The following DACH1 variants were observed in gnomAD, a reference collection of about 807,000 sequenced individuals.
DACH1 encodes dachshund family transcription factor 1.
Under a neutral mutation model 54.2 loss-of-function variants are expected in DACH1, and 12 were observed. That is an observed-to-expected ratio of 0.22 (90% CI 0.14 to 0.36). DACH1 has a LOEUF of 0.36. Ranked by LOEUF, DACH1 falls within the 10% of genes least tolerant of loss-of-function variation. The pLI is 1.00. For missense variants in DACH1, 805 were observed against 929.8 expected (o/e 0.87, Z 1.75); for synonymous variants, 386 against 366.2 (o/e 1.05, Z -0.62).
intron 2 of DACH1, among the ~76,000 whole-genome samples, chr13:71,681,307 G>T (rs1319365269): frequency 2.0e-5 from 3 of 151,934 alleles, no homozygotes; most frequent in Admixed American, 2.0e-4. Context: ...CTTTCAAATG[G>T]GTTCTAATAG....
intron 3 of DACH1, among the ~76,000 whole-genome samples, chr13:71,574,996 G>A (rs1885443081): frequency 6.6e-6 from 1 of 151,910 alleles, no homozygotes; most frequent in South Asian, 2.1e-4. Context: ...TCAAATGTAT[G>A]ATATCAAGAG....
intron 6 of DACH1, among the ~76,000 whole-genome samples, chr13:71,489,642 T>TA (rs1331173749): frequency 1.3e-5 from 2 of 152,120 alleles, no homozygotes; most frequent in African/African-American, 4.8e-5. Context: ...AATGTAAAGT[T>TA]AAAATCTTTC....
intron 1 of DACH1, among the ~76,000 whole-genome samples, chr13:71,684,208 A>G (rs1037435528): frequency 6.6e-6 from 1 of 152,066 alleles, no homozygotes; most frequent in African/African-American, 2.4e-5. Flanking sequence ...CCCACTCCAG[A>G]GTCTAGAGTC....
intron 1 of DACH1, among the ~76,000 whole-genome samples, chr13:71,790,469 C>A (rs1372338233): frequency 6.6e-6 from 1 of 151,992 alleles, no homozygotes; most frequent in Non-Finnish European, 1.5e-5. Context: ...CACGTTTTGG[C>A]CTTTGGCATA....
intron 1 of DACH1, among the ~76,000 whole-genome samples, chr13:71,756,412 G>A (rs1325758606): frequency 2.6e-5 from 4 of 151,432 alleles, no homozygotes; most frequent in African/African-American, 9.7e-5. Flanking sequence ...GAAATCCAGG[G>A]TTCAGAGAAT....
intron 10 of DACH1, among the ~76,000 whole-genome samples, chr13:71,464,143 T>G (rs1316625101): frequency 6.6e-6 from 1 of 150,632 alleles, no homozygotes; most frequent in East Asian, 1.9e-4. Context: ...CAATTAAACA[T>G]TCTGATTTTT....
chr13:71,454,231 A>G (rs1455826750), intron 10 of DACH1, among the ~76,000 whole-genome samples: 1 of 152,192 alleles, frequency 6.6e-6, no homozygotes, highest in East Asian at 1.9e-4. Flanking sequence ...CTTTAGATAT[A>G]TTCCTGAATC....
chr13:71,510,072 TTTCTTCA>T (rs1880656175), intron 6 of DACH1, among the ~76,000 whole-genome samples: 1 of 152,030 alleles, frequency 6.6e-6, no homozygotes, highest in African/African-American at 2.4e-5. Context: ...ACATTGAACA[TTTCTTCA>T]TTCTTGACAC....
rs549679454 is a variant in DACH1, at chr13:71,656,385, C to T, written c.964+25410G>A. ...TCATTGGCCTAACATTTTTCTTCTG[C>T]CTACTGAATAGGGCATCTGGTCAAA... On this transcript the variant is annotated intron_variant, in intron 2 of 10. Transcript: ENST00000613252. Among the ~76,000 whole-genome samples, 5 of 152,140 alleles carry T rather than the reference C, an allele frequency of 3.3e-5. No homozygotes were observed. In the South Asian group the frequency reaches 1.0e-3, roughly 32 times the overall value.
In DACH1 at chr13:71,866,450, T is replaced by A; in HGVS notation, c.320A>T (p.Asn107Ile). ...GCTGCCGTTGCTCGCGGCCGCCAGG[T>A]TGGGGTTGCAGTTGCTGCCACCGCC... ...GGGGGSNCNPNLAAASNGSGG... is the reference protein window; with the variant it reads ...GGGGGSNCNPILAAASNGSGG... The change falls in exon 1 of 11, where the codon AAC becomes ATC. Residue 107 changes from asparagine to isoleucine, a missense_variant. Coordinates refer to ENST00000613252, the MANE Select transcript of DACH1 (RefSeq NM_080759.6). The A allele has an allele frequency of 7.8e-7, 1 of 1,280,990 alleles. No homozygotes were observed. Among genetic ancestry groups the A allele is most frequent in the Non-Finnish European group, 1.0e-6 (1 of 978,494 alleles). The allele number at this position is 1,280,990 out of a possible 1,614,324, so 79.4% of individuals were successfully genotyped here. A position where few individuals can be genotyped will look rare whatever the true frequency, so the allele number is the denominator to read the frequency against.
chr13:71,735,596 A>G (rs61958972), intron 1 of DACH1, among the ~76,000 whole-genome samples: 1 of 28,456 alleles, frequency 3.5e-5, no homozygotes, highest in East Asian at 4.8e-4. Flanking sequence ...TATGGGATAT[A>G]CGTATATGGG....
Position 71,628,957 on chromosome 13 carries a change from C to A in DACH1, c.1126+1599G>T, listed in dbSNP as rs771771761. 7.2e-5 allele frequency among the ~76,000 whole-genome samples: 11 copies of A among 151,954 alleles called. No homozygotes were observed. The East Asian group carries it at 1.2e-3, about 16-fold the overall frequency. Reference sequence around the variant, plus strand: ...TCATAAAACCAACTATTAAGAACAGCCTTCATGAACAGCCTCCTTTTCTAA... The same window carrying A: ...TCATAAAACCAACTATTAAGAACAGACTTCATGAACAGCCTCCTTTTCTAA... On this transcript the variant is annotated intron_variant, in intron 3 of 10. Coordinates refer to ENST00000613252, the MANE Select transcript of DACH1 (RefSeq NM_080759.6).
chr13:71,679,755 C>A (rs1461204320), intron 2 of DACH1, among the ~76,000 whole-genome samples: 3 of 151,744 alleles, frequency 2.0e-5, no homozygotes, highest in African/African-American at 7.3e-5. Context: ...GAGGCCGAGG[C>A]GGATGGATCA....
Position 71,451,540 on chromosome 13 carries a change from A to G in DACH1, c.2084-10848T>C, listed in dbSNP as rs547895541. ...TTGGGAAGAACACAGCCCCACTGGGATAGTATATTGGCTTAGCATACCTGA... is the reference window on the plus strand; with the variant it reads ...TTGGGAAGAACACAGCCCCACTGGGGTAGTATATTGGCTTAGCATACCTGA... On this transcript the variant is annotated intron_variant, in intron 10 of 10. Coordinates refer to ENST00000613252, the MANE Select transcript of DACH1 (RefSeq NM_080759.6). Among the ~76,000 whole-genome samples the G allele has an allele frequency of 5.4e-3, 823 of 152,318 alleles. 9 individuals are homozygous for G. Among genetic ancestry groups the G allele is most frequent in the Non-Finnish European group, 8.6e-3 (588 of 68,030 alleles).
In DACH1 at chr13:71,538,885, A is replaced by T. The variant is rs2297294; in HGVS notation, c.1570+18139T>A. Among the ~76,000 whole-genome samples, 779 of 152,170 alleles carry T rather than the reference A, an allele frequency of 5.1e-3. 6 individuals carry two copies. The highest frequency in any genetic ancestry group is 0.028 in the East Asian group (144 of 5,162). ...TTCGTTTCATATTTCTTGTCCTTTT[A>T]AAAAGAGGAAATAACATTGTCAACA... On this transcript the variant is annotated intron_variant, in intron 6 of 10. Transcript: ENST00000613252.
chr13:71,782,917 C>A (rs1344878915), intron 1 of DACH1, among the ~76,000 whole-genome samples: 1 of 151,792 alleles, frequency 6.6e-6, no homozygotes, highest in Non-Finnish European at 1.5e-5. Context: ...TTTCTTCCAC[C>A]AAAAATATTT....
At chr13:71,585,624 G>T (rs1216908937) in intron 3 of DACH1, among the ~76,000 whole-genome samples, 2 of 152,060 alleles carry the variant, frequency 1.3e-5, no homozygotes, top group Admixed American at 1.3e-4. Flanking sequence ...ATTGACTAGA[G>T]GAGAGAACAC....
intron 2 of DACH1, among the ~76,000 whole-genome samples, chr13:71,647,338 G>A (rs1878355777): frequency 6.6e-6 from 1 of 152,144 alleles, no homozygotes; most frequent in African/African-American, 2.4e-5. Context: ...GTTTTCACGA[G>A]CACAATTACA....
rs1818141659 is a variant in DACH1 at position 71,440,524 on chromosome 13, T to C, written c.*131A>G. The C allele has an allele frequency of 2.8e-6, 2 of 711,482 alleles. No homozygotes were observed. Among genetic ancestry groups the C allele is most frequent in the Non-Finnish European group, 4.7e-6 (2 of 428,420 alleles). 44.1% of individuals were successfully genotyped at this position (711,482 alleles called of 1,614,324 possible). A position where few individuals can be genotyped will look rare whatever the true frequency, so the allele number is the denominator to read the frequency against. ...TTTTTTTTGTAGAATACTTAAACTT[T>C]TAAAGAACATTAATACACAAAATTC... On this transcript the variant is annotated 3_prime_UTR_variant, in exon 11 of 11. Transcript: ENST00000613252.
Sources: allele counts gnomAD v4.1 joint callset (sites outside exome capture counted in the v4.1 genomes callset), GRCh38; gene constraint gnomAD v4.1.1; transcripts MANE v1.5; gene names NCBI Gene and HGNC (gene_info 2026-07-23, HGNC 2026-07-21).